The following NDST3 variants were observed in gnomAD, a reference collection of about 807,000 sequenced individuals.
NDST3 encodes the protein bifunctional heparan sulfate N-deacetylase/N-sulfotransferase 3.
Under a neutral mutation model 96.1 loss-of-function variants are expected in NDST3, and 58 were observed. That is an observed-to-expected ratio of 0.60 (90% CI 0.49 to 0.75). NDST3 has a LOEUF of 0.75. Ranked by LOEUF, NDST3 falls within the 30% of genes least tolerant of loss-of-function variation. The pLI is 0.00. For missense variants in NDST3, 788 were observed against 1,034.2 expected (o/e 0.76, Z 3.27); for synonymous variants, 333 against 359.7 (o/e 0.93, Z 0.84).
At chr4:118,153,625 A>AC (rs1734544626) in intron 6 of NDST3, among the ~76,000 whole-genome samples, 1 of 152,122 alleles carries the variant, frequency 6.6e-6, no homozygotes, top group Admixed American at 6.5e-5. Flanking sequence ...GAGTTCCCTG[A>AC]CCAGCCTGGC....
intron 8 of NDST3, among the ~76,000 whole-genome samples, chr4:118,228,127 T>C (rs965349013): frequency 6.6e-6 from 1 of 152,226 alleles, no homozygotes; most frequent in African/African-American, 2.4e-5. Flanking sequence ...TTCTGTGCAA[T>C]GTACACAGGG....
chr4:118,243,313 C>CT (rs888624509), intron 12 of NDST3, among the ~76,000 whole-genome samples: 2 of 152,104 alleles, frequency 1.3e-5, no homozygotes, highest in African/African-American at 2.4e-5. Context: ...TCAAATACTG[C>CT]TTATATCTCC....
At position 118,193,746 on chromosome 4, in the gene NDST3, G is replaced by A. The variant is rs1335390573; in HGVS notation, c.1540-30745G>A. 1.3e-5 allele frequency: 18 copies of A among 1,434,794 alleles called. No homozygotes were observed. In the East Asian group the frequency reaches 4.1e-4, roughly 33 times the overall value. The allele number at this position is 1,434,794 out of a possible 1,614,324, so 88.9% of individuals were successfully genotyped here. Reference sequence around the variant, plus strand: ...TTCTCGTTGTTGCTGCCCAGTTCCAGGGCCTTGTTACAGCTTTCAGTGGCA... The same window carrying A: ...TTCTCGTTGTTGCTGCCCAGTTCCAAGGCCTTGTTACAGCTTTCAGTGGCA... On this transcript the variant is annotated intron_variant, in intron 6 of 13. Coordinates refer to ENST00000296499, the MANE Select transcript of NDST3 (RefSeq NM_004784.3).
intron 6 of NDST3, among the ~76,000 whole-genome samples, chr4:118,223,612 T>C (rs1230334425): frequency 1.3e-5 from 2 of 152,200 alleles, no homozygotes; most frequent in Middle Eastern, 3.4e-3. Flanking sequence ...TTCTTATTTA[T>C]TGTGTTAAAT....
intron 12 of NDST3, among the ~76,000 whole-genome samples, chr4:118,252,870 A>G (rs567186186): frequency 6.6e-6 from 1 of 152,308 alleles, no homozygotes; most frequent in South Asian, 2.1e-4. Flanking sequence ...CAGCCTGGGC[A>G]ACAAGACCAA....
intron 6 of NDST3, among the ~76,000 whole-genome samples, chr4:118,174,627 T>G (rs368457693): frequency 1.3e-5 from 2 of 152,312 alleles, no homozygotes; most frequent in Middle Eastern, 3.4e-3. Context: ...CTTAAACATT[T>G]TTGTTTAATG....
At chr4:118,232,868 C>T (rs920520354) in intron 8 of NDST3, 144 bp from the exon 9 acceptor site, 62 of 855,414 alleles carry the variant, frequency 7.2e-5, no homozygotes, top group Non-Finnish European at 9.5e-5. Context: ...ATTAAACTGC[C>T]GATTATCTAT....
intron 6 of NDST3, chr4:118,194,203 T>C: frequency 2.7e-6 from 2 of 754,008 alleles, no homozygotes; most frequent in Non-Finnish European, 4.8e-6. Flanking sequence ...TCTCCTGATG[T>C]TCAAAGAACT....
At chr4:118,112,790 A>G (rs1730747411) in intron 3 of NDST3, among the ~76,000 whole-genome samples, 1 of 152,186 alleles carries the variant, frequency 6.6e-6, no homozygotes, top group Non-Finnish European at 1.5e-5. Flanking sequence ...CCCTGAATCC[A>G]TCTTCCTATT....
chr4:118,115,141 C>T (rs1368951201), intron 4 of NDST3, among the ~76,000 whole-genome samples, 181 bp downstream of exon 4: 1 of 152,068 alleles, frequency 6.6e-6, no homozygotes, highest in Non-Finnish European at 1.5e-5. Context: ...CACCACTATG[C>T]TTAATGTTTT....
At chr4:118,105,179 C>A in intron 3 of NDST3, 74 bp downstream of exon 3, 2 of 1,046,032 alleles carry the variant, frequency 1.9e-6, no homozygotes, top group Admixed American at 1.8e-5. Context: ...ACTTTTCCTG[C>A]CCACACTGTC....
At chr4:118,143,435 C>T (rs1383925197) in intron 5 of NDST3, 121 bp from the exon 6 acceptor site, 2 of 952,922 alleles carry the variant, frequency 2.1e-6, no homozygotes, top group Non-Finnish European at 3.1e-6. Flanking sequence ...TTGTCCAGGC[C>T]CTGGTTAGAC....
intron 6 of NDST3, among the ~76,000 whole-genome samples, chr4:118,167,666 C>G (rs985134261): frequency 1.3e-5 from 2 of 151,932 alleles, no homozygotes; most frequent in Non-Finnish European, 2.9e-5. Flanking sequence ...AAATATATTA[C>G]AAAGATATAG....
Position 118,054,689 on chromosome 4 carries a change from A to G in NDST3, c.779A>G (p.Asp260Gly). 1 of 1,613,294 alleles carries G rather than the reference A, an allele frequency of 6.2e-7. No individual in the cohort carries two copies. The change falls in exon 2 of 14, where the codon GAC becomes GGC. Residue 260 changes from aspartate to glycine, a missense_variant. Around this residue, in one of 3 missense-constraint regions of NDST3, gnomAD observed 490 missense variants for 708.8 expected, o/e 0.69. Coordinates refer to ENST00000296499, the MANE Select transcript of NDST3 (RefSeq NM_004784.3). ...KGAFYATIIH[D>G]LGLHDGIQRV... The stretch of plus-strand genomic sequence containing the variant: ...GCTTTTTATGCCACTATTATACATG[A>G]CCTGGGGCTTCATGATGGAATTCAA...
chr4:118,115,985 G>GCTC (rs141975890), intron 4 of NDST3, among the ~76,000 whole-genome samples: 253 of 152,212 alleles, frequency 1.7e-3, no homozygotes, highest in African/African-American at 5.8e-3. Context: ...CAAGAATAGT[G>GCTC]CTCCTCCATG....
rs1487168042 is a variant in NDST3, at chr4:118,137,709, G to C, written c.1225-345G>C. On this transcript the variant is annotated intron_variant, in intron 4 of 13. Transcript: ENST00000296499. ...TTGCGGGAAGTGCTTAGTTTTGTTTGTAATAAGTGTCTAACATTTAACTTG... is the reference window on the plus strand; with the variant it reads ...TTGCGGGAAGTGCTTAGTTTTGTTTCTAATAAGTGTCTAACATTTAACTTG... 2.0e-5 allele frequency among the ~76,000 whole-genome samples: 3 copies of C among 152,132 alleles called. No homozygotes were observed. The East Asian group carries it at 5.8e-4, about 29-fold the overall frequency.
Position 118,190,743 on chromosome 4 carries a change from T to G in NDST3, c.1540-33748T>G, listed in dbSNP as rs538013164. Among the ~76,000 whole-genome samples, 6 of 152,282 alleles carry G rather than the reference T, an allele frequency of 3.9e-5. No individual in the cohort carries two copies. The East Asian group carries it at 1.2e-3, about 29-fold the overall frequency. On this transcript the variant is annotated intron_variant, in intron 6 of 13. Coordinates refer to ENST00000296499, the MANE Select transcript of NDST3 (RefSeq NM_004784.3). ...GCTGCATAGTTGCTGGTCTAGGCACTGAAAACATGTCTCCAGACCTCACCA... is the reference window on the plus strand; with the variant it reads ...GCTGCATAGTTGCTGGTCTAGGCACGGAAAACATGTCTCCAGACCTCACCA...
chr4:118,200,458 T>C (rs1380723064), intron 6 of NDST3, among the ~76,000 whole-genome samples: 1 of 152,194 alleles, frequency 6.6e-6, no homozygotes, highest in Non-Finnish European at 1.5e-5. Context: ...TGAGGTCCCT[T>C]CTGGCCTAAG....
intron 4 of NDST3, among the ~76,000 whole-genome samples, chr4:118,134,141 T>C (rs1732876634): frequency 1.3e-5 from 2 of 152,044 alleles, no homozygotes; most frequent in Admixed American, 6.5e-5. Flanking sequence ...AGATTTGGAG[T>C]AGAAACATTT....
Sources: allele counts gnomAD v4.1 joint callset (sites outside exome capture counted in the v4.1 genomes callset), GRCh38; gene constraint gnomAD v4.1.1; regional missense constraint gnomAD v4.1.1; transcripts MANE v1.5; gene names NCBI Gene and HGNC (gene_info 2026-07-23, HGNC 2026-07-21).